FAM83H: variants seen among roughly 807,000 people sequenced by gnomAD.
The protein encoded by FAM83H is scaffolding CK1 anchoring protein H.
In FAM83H, 24 loss-of-function variants were observed where a neutral mutation model predicts 30.2. The ratio of observed to expected loss-of-function variants is 0.79; its 90% confidence interval spans 0.57 to 1.12. FAM83H has a LOEUF of 1.12. FAM83H is among the 50% of genes most tolerant of loss of function. FAM83H has a pLI of 0.00. For missense variants in FAM83H, 2,038 were observed against 1,773.9 expected, an observed-to-expected ratio of 1.15 and a Z score of -2.67; for synonymous variants, 1,013 against 821.7, an observed-to-expected ratio of 1.23 and a Z score of -3.98.
In FAM83H at chr8:143,726,756, C is replaced by T. The variant is rs116851527; in HGVS notation, c.2705G>A (p.Gly902Glu). 46,666 of 1,612,422 alleles carry T rather than the reference C, an allele frequency of 0.029. 910 individuals carry two copies. The highest frequency in any genetic ancestry group is 0.052 in the Middle Eastern group (315 of 6,060). Residue 902 changes from glycine (G) to glutamate (E), a missense_variant, in exon 5 of 5, where the codon GGG becomes GAG. Transcript: ENST00000388913. ...SPTTGFIEQK[G>E]SPTSAYPERR... is the part of the protein sequence containing the mutation. ...CTCGGGGTAGGCTGAGGTGGGGCTC[C>T]CCTTCTGCTCGATAAATCCTGTAGT...
chr8:143,727,538 C>G lies in FAM83H; in HGVS notation c.1923G>C (p.Pro641=). 1.3e-6 allele frequency: 2 copies of G among 1,585,072 alleles called. No homozygotes were observed. The highest frequency in any genetic ancestry group is 2.3e-5 in the East Asian group (1 of 44,182). The part of the protein sequence containing the change: ...RVPAAFPTKV[P]VPGPGSGGNG... ...TGCCGCCGCTGCCCGGGCCTGGCAC[C>G]GGGACCTTGGTGGGGAAGGCTGCTG... The change falls in exon 5 of 5, where the codon CCG becomes CCC. Residue 641 remains proline (P), a synonymous_variant. Transcript: ENST00000388913.
chr8:143,732,417 C>G, intron 1 of FAM83H: 6 of 985,376 alleles, frequency 6.1e-6, no homozygotes, highest in Non-Finnish European at 6.0e-6. Flanking sequence ...CCATTGCCAG[C>G]CTGTCTGTAG....
chr8:143,728,093 C>T lies in FAM83H; in HGVS notation c.1368G>A (p.Gln456=). 6.2e-7 allele frequency: 1 copy of T among 1,610,960 alleles called. No homozygotes were observed. Among genetic ancestry groups the T allele is most frequent in the South Asian group, 1.1e-5 (1 of 91,046 alleles). ...SHFHRDQLYQ[Q]QYQWDPQLTP... ...TGAGCTGCGGGTCCCACTGGTACTG[C>T]TGCTGGTAGAGCTGGTCACGGTGGA... is the stretch of plus-strand genomic sequence containing the variant. The change falls in exon 5 of 5, where the codon CAG becomes CAA. Residue 456 remains glutamine, a synonymous_variant. Coordinates refer to ENST00000388913, the MANE Select transcript of FAM83H (RefSeq NM_198488.5).
chr8:143,727,313 G>C lies in FAM83H; in HGVS notation c.2148C>G (p.Ser716Arg), dbSNP rs782296229. The part of the protein sequence containing the change: ...VQLLHKEQTV[S>R]ETLGPGGEAV... ...CCTCTCCGCCGGGCCCCAGCGTCTC[G>C]CTGACCGTCTGCTCCTTGTGCAGCA... The change falls in exon 5 of 5, where the codon AGC becomes AGG. Residue 716 changes from serine (S) to arginine (R), a missense_variant. Coordinates refer to ENST00000388913, the MANE Select transcript of FAM83H (RefSeq NM_198488.5). 8 of 1,547,622 alleles carry C rather than the reference G, an allele frequency of 5.2e-6. No homozygotes were observed. Among genetic ancestry groups the C allele is most frequent in the South Asian group, 4.7e-5 (4 of 85,160 alleles).
chr8:143,726,273 C>T lies in FAM83H; in HGVS notation c.3188G>A (p.Gly1063Asp). Residue 1063 changes from glycine to aspartate, a missense_variant, in exon 5 of 5, where the codon GGC (glycine) becomes GAC (aspartate). Transcript: ENST00000388913. ...KHRAVPAPSP[G>D]PTHNSPELGR... ...TAGCTCGGGGCTGTTGTGGGTCGGG[C>T]CGGGGCTCGGGGCAGGGACCGCACG... 6.2e-7 allele frequency: 1 copy of T among 1,612,130 alleles called. No individual in the cohort carries two copies. The highest frequency in any genetic ancestry group is 8.5e-7 in the Non-Finnish European group (1 of 1,179,700).
rs1554621941 is a variant in FAM83H at position 143,726,620 on chromosome 8, C to T, written c.2841G>A (p.Lys947=). The part of the protein sequence containing the change: ...LTLTISGESP[K]AGPAEEGPSG... Reference sequence around the variant, plus strand: ...TCGGCCCCTCCTCCGCGGGCCCGGCCTTCGGGGACTCCCCGGAGATGGTAA... The same window carrying T: ...TCGGCCCCTCCTCCGCGGGCCCGGCTTTCGGGGACTCCCCGGAGATGGTAA... The change falls in exon 5 of 5, where the codon AAG becomes AAA. Residue 947 remains lysine, a synonymous_variant. Coordinates refer to ENST00000388913, the MANE Select transcript of FAM83H (RefSeq NM_198488.5). 7 of 1,599,360 alleles carry T rather than the reference C, an allele frequency of 4.4e-6. No homozygotes were observed. The highest frequency in any genetic ancestry group is 5.1e-6 in the Non-Finnish European group (6 of 1,178,378).
In FAM83H at chr8:143,733,638, GCCCGCCCCCCGCCTCGC is replaced by G. The variant is rs1329988010; in HGVS notation, c.-16+36_-16+52del. 4 of 150,526 alleles carry G rather than the reference GCCCGCCCCCCGCCTCGC, an allele frequency of 2.7e-5. No homozygotes were observed. In the East Asian group the frequency reaches 7.8e-4, roughly 30 times the overall value. 9.3% of individuals were successfully genotyped at this position (150,526 alleles called of 1,614,324 possible). A position where few individuals can be genotyped will look rare whatever the true frequency, so the allele number is the denominator to read the frequency against. On this transcript the variant is annotated intron_variant, in intron 1 of 4. Transcript: ENST00000388913. This position sits in a 1 kb window ranked among gnomAD's most constrained non-coding sequence, Gnocchi z 5.6. ...CCCAAGTGGGACCGCGCCAAGGGGCGCCCGCCCCCCGCCTCGCCCCGCCCCGCTCGGGCCGGGGGAGG... is the reference window on the plus strand; with the variant it reads ...CCCAAGTGGGACCGCGCCAAGGGGCGCCCGCCCCGCTCGGGCCGGGGGAGG...
In FAM83H at chr8:143,726,297, C is replaced by T. The variant is rs1554621681; in HGVS notation, c.3164G>A (p.Arg1055His). Residue 1055 changes from arginine (R) to histidine (H), a missense_variant, in exon 5 of 5, where the codon CGT (arginine) becomes CAT (histidine). Coordinates refer to ENST00000388913, the MANE Select transcript of FAM83H (RefSeq NM_198488.5). ...GCCGGGGCTCGGGGCAGGGACCGCACGGTGCTTCTGGCCGTGGGCACTGAT... is the reference window on the plus strand; with the variant it reads ...GCCGGGGCTCGGGGCAGGGACCGCATGGTGCTTCTGGCCGTGGGCACTGAT... ...EQISAHGQKH[R>H]AVPAPSPGPT... The T allele has an allele frequency of 1.9e-6, 3 of 1,611,994 alleles. No homozygotes were observed. The highest frequency in any genetic ancestry group is 1.7e-5 in the Admixed American group (1 of 59,936).
rs1554622016 is a variant in FAM83H at position 143,726,717 on chromosome 8, G to A, written c.2744C>T (p.Pro915Leu). 3.7e-6 allele frequency: 6 copies of A among 1,607,768 alleles called. No homozygotes were observed. Among genetic ancestry groups the A allele is most frequent in the Non-Finnish European group, 4.2e-6 (5 of 1,178,482 alleles). ...CCTGCGCTCCGGCACGGGGGGCACC[G>A]GACTACCCCTGCGCTCGGGGTAGGC... ...TSAYPERRGS[P>L]VPPVPERRSS... is the part of the protein sequence containing the mutation. Residue 915 changes from proline to leucine, a missense_variant, in exon 5 of 5, where the codon CCG (proline) becomes CTG (leucine). Transcript: ENST00000388913.
At position 143,726,100 on chromosome 8, in the gene FAM83H, G is replaced by A. The variant is rs782236631; in HGVS notation, c.3361C>T (p.Arg1121Cys). Residue 1121 changes from arginine to cysteine, a missense_variant, in exon 5 of 5, where the codon CGC becomes TGC. Coordinates refer to ENST00000388913, the MANE Select transcript of FAM83H (RefSeq NM_198488.5). ...ASAEERDRLL[R>C]RMESMRKEKR... ...TCCTTGCGCATGCTCTCCATGCGGC[G>A]CAGCAGCCGATCGCGCTCCTCCGCG... 11 of 1,610,706 alleles carry A rather than the reference G, an allele frequency of 6.8e-6. No individual in the cohort carries two copies. Among genetic ancestry groups the A allele is most frequent in the Non-Finnish European group, 8.5e-6 (10 of 1,179,114 alleles).
chr8:143,728,366 GC>G lies in FAM83H; in HGVS notation c.1094del (p.Gly365AlafsTer180). The G allele has an allele frequency of 1.9e-6, 3 of 1,542,762 alleles. No homozygotes were observed. Among genetic ancestry groups the G allele is most frequent in the Non-Finnish European group, 2.6e-6 (3 of 1,143,166 alleles). ...GCAGCCCCGCGTGCGGTTCCAGCGC[GC>G]CCCCCGGCATCCGCGGCGGCTCCTC... ...RREEPPRMPG[G>X]ALEPHAGLRP... On this transcript the variant is annotated frameshift_variant, in exon 5 of 5. Transcript: ENST00000388913. LOFTEE classifies it low-confidence loss of function (END_TRUNC).
rs201196465 is a variant in FAM83H, at chr8:143,726,492, G to A, written c.2969C>T (p.Pro990Leu). 4.9e-5 allele frequency: 78 copies of A among 1,605,312 alleles called. No individual in the cohort carries two copies. The highest frequency in any genetic ancestry group is 6.4e-5 in the Non-Finnish European group (75 of 1,179,326). Residue 990 changes from proline to leucine, a missense_variant, in exon 5 of 5, where the codon CCG becomes CTG. By Grantham distance (98) the Pro-to-Leu change is moderately conservative. Transcript: ENST00000388913. ...RMEDEGGFPV[P>L]QENGQPESPR... is the part of the protein sequence containing the mutation. The stretch of plus-strand genomic sequence containing the variant: ...GCTCTCGGGTTGGCCGTTCTCCTGC[G>A]GCACTGGGAAGCCACCCTCATCCTC...
In FAM83H at chr8:143,730,354, C is replaced by T. The variant is rs897332832; in HGVS notation, c.229G>A (p.Glu77Lys). The change falls in exon 2 of 5, where the codon GAG (glutamate) becomes AAG (lysine). Residue 77 changes from glutamate to lysine, a missense_variant. By Grantham distance (56) the Glu-to-Lys change is moderately conservative (BLOSUM62 1). Transcript: ENST00000388913. ...HLRPPQYVTR[E>K]PPEGSLLDVD... The stretch of plus-strand genomic sequence containing the variant: ...TCGAGAAGGCTGCCTTCAGGTGGCT[C>T]TCGGGTAACATACTGCGGAGGCCGA... 1.2e-5 allele frequency: 19 copies of T among 1,613,722 alleles called. No homozygotes were observed. Among genetic ancestry groups the T allele is most frequent in the Non-Finnish European group, 1.6e-5 (19 of 1,180,030 alleles).
At chr8:143,731,572 C>G in intron 1 of FAM83H, 1 of 985,222 alleles carries the variant, frequency 1.0e-6, no homozygotes, top group Non-Finnish European at 1.2e-6. Flanking sequence ...CCCAGCACCC[C>G]CTCCTTCCCT....
Position 143,730,092 on chromosome 8 carries a change from GC to G in FAM83H, c.447+43del, listed in dbSNP as rs1319712423. 5 of 1,470,846 alleles carry G rather than the reference GC, an allele frequency of 3.4e-6. No individual in the cohort carries two copies. In the Admixed American group the frequency reaches 9.2e-5, roughly 27 times the overall value. The allele number at this position is 1,470,846 out of a possible 1,614,324, so 91.1% of individuals were successfully genotyped here. A position where few individuals can be genotyped will look rare whatever the true frequency, so the allele number is the denominator to read the frequency against. The stretch of plus-strand genomic sequence containing the variant: ...CATCTCCTCCACCCCCGTGCCTCTA[GC>G]CCAGGCCCCTCCCCCACTACCCTCA... On this transcript the variant is annotated intron_variant, in intron 2 of 4. Coordinates refer to ENST00000388913, the MANE Select transcript of FAM83H (RefSeq NM_198488.5).
Position 143,733,316 on chromosome 8 carries a change from C to T in FAM83H, c.-16+375G>A, listed in dbSNP as rs1296123598. On this transcript the variant is annotated intron_variant, in intron 1 of 4. Transcript: ENST00000388913. This position sits in a 1 kb window ranked among gnomAD's most constrained non-coding sequence, Gnocchi z 5.6. ...CTGGCCACCCCAGTCCACGGCGGCC[C>T]GGGCGGATGTCCCCAGGGAAGGGTC... Among the ~76,000 whole-genome samples, 2 of 152,186 alleles carry T rather than the reference C, an allele frequency of 1.3e-5. No individual in the cohort carries two copies. The highest frequency in any genetic ancestry group is 1.9e-4 in the East Asian group (1 of 5,176).
rs1329405731 is a variant in FAM83H, at chr8:143,727,281, C to G, written c.2180G>C (p.Arg727Pro). 2.0e-6 allele frequency: 3 copies of G among 1,536,052 alleles called. No homozygotes were observed. The highest frequency in any genetic ancestry group is 2.4e-5 in the South Asian group (2 of 84,182). Residue 727 changes from arginine to proline, a missense_variant, in exon 5 of 5, where the codon CGC (arginine) becomes CCC (proline). Physicochemically the swap from Arg to Pro is moderately radical, Grantham distance 103. Coordinates refer to ENST00000388913, the MANE Select transcript of FAM83H (RefSeq NM_198488.5). ...CGCCACCTTGGTGGAAGCCGCGGAGCGCACGGCCTCTCCGCCGGGCCCCAG... is the reference window on the plus strand; with the variant it reads ...CGCCACCTTGGTGGAAGCCGCGGAGGGCACGGCCTCTCCGCCGGGCCCCAG... ...ETLGPGGEAV[R>P]SAASTKVAEL...
chr8:143,728,087 G>C lies in FAM83H; in HGVS notation c.1374C>G (p.Tyr458Ter). 1 of 1,610,882 alleles carries C rather than the reference G, an allele frequency of 6.2e-7. No homozygotes were observed. The highest frequency in any genetic ancestry group is 8.5e-7 in the Non-Finnish European group (1 of 1,179,252). Residue 458 changes from tyrosine (Y) to a stop codon, truncating the protein, a stop_gained, in exon 5 of 5, where the codon TAC (tyrosine) becomes TAG (stop). Coordinates refer to ENST00000388913, the MANE Select transcript of FAM83H (RefSeq NM_198488.5). LOFTEE classifies it low-confidence loss of function (END_TRUNC). ...FHRDQLYQQQ[Y>*]QWDPQLTPAR... ...CCGGCGTGAGCTGCGGGTCCCACTG[G>C]TACTGCTGCTGGTAGAGCTGGTCAC... is the stretch of plus-strand genomic sequence containing the variant.
At chr8:143,732,247 G>A in intron 1 of FAM83H, 1 of 985,388 alleles carries the variant, frequency 1.0e-6, no homozygotes, top group African/African-American at 1.7e-5. Context: ...AACCGGCTTG[G>A]GAGAAGCTGT....
Sources: gnomAD v4.1 joint callset for allele counts (sites outside exome capture counted in the v4.1 genomes callset) on GRCh38, gnomAD v4.1.1 for gene constraint, Gnocchi (gnomAD v3.1) non-coding constraint, MANE v1.5 for transcripts, NCBI Gene and HGNC (gene_info 2026-07-23, HGNC 2026-07-21) for gene names.